JHY: variants seen among roughly 807,000 people sequenced by gnomAD.
JHY encodes jhy protein homolog.
A neutral mutation model predicts 78.0 loss-of-function variants in JHY; 69 were observed. The ratio of observed to expected loss-of-function variants is 0.88; its 90% CI spans 0.73 to 1.08. The LOEUF (loss-of-function observed/expected upper bound fraction) is 1.08. Ranked by LOEUF, JHY falls within the 50% of genes least tolerant of loss-of-function variation. The pLI is 0.00. For synonymous variants in JHY, 368 were observed against 342.6 expected (o/e 1.07, Z -0.82); for missense variants, 944 against 927.8 (o/e 1.02, Z -0.23).
intron 5 of JHY, among the ~76,000 whole-genome samples, chr11:122,938,527 G>A (rs1427534818): frequency 1.3e-5 from 2 of 152,134 alleles, no homozygotes; most frequent in Admixed American, 1.3e-4. Context: ...AGGCAAAATA[G>A]GGTGTAAGGG....
At chr11:122,956,650 G>GC in intron 7 of JHY, 74 bp downstream of exon 7, 1 of 1,254,700 alleles carries the variant, frequency 8.0e-7, no homozygotes, top group Non-Finnish European at 1.1e-6. Context: ...TTATGAAGAC[G>GC]CCCCCCAGAA....
chr11:122,904,486 C>T (rs751703755), intron 3 of JHY, 42 bp downstream of exon 3: 1 of 1,561,266 alleles, frequency 6.4e-7, no homozygotes, highest in South Asian at 1.2e-5. Flanking sequence ...AAACATTAAA[C>T]CAGAATTTGC....
In JHY at chr11:122,957,426, C is replaced by T. The variant is rs369501243; in HGVS notation, c.2074C>T (p.Leu692=). The part of the protein sequence containing the change: ...KQVKEYNMKT[L]SILSKPQTEK... ...AGTCAAGGAGTACAACATGAAGACA[C>T]TATCCATTCTATCAAAACCACAAAC... Residue 692 remains leucine (L), a synonymous_variant, in exon 8 of 9, where the codon CTA becomes TTA. Transcript: ENST00000227349. 23 of 1,535,432 alleles carry T rather than the reference C, an allele frequency of 1.5e-5. No homozygotes were observed. The African/African-American group carries it at 3.0e-4, about 20-fold the overall frequency.
intron 4 of JHY, among the ~76,000 whole-genome samples, chr11:122,926,488 C>A (rs1246565473): frequency 2.0e-5 from 3 of 152,160 alleles, no homozygotes; most frequent in Non-Finnish European, 4.4e-5. Flanking sequence ...GACTCCAGGC[C>A]TCTCTTAAGA....
At position 122,904,302 on chromosome 11, in the gene JHY, C is replaced by T. The variant is rs757565329; in HGVS notation, c.722C>T (p.Pro241Leu). 1.2e-6 allele frequency: 2 copies of T among 1,614,068 alleles called. No homozygotes were observed. The highest frequency in any genetic ancestry group is 1.1e-5 in the South Asian group (1 of 91,068). Residue 241 changes from proline (P) to leucine (L), a missense_variant, in exon 3 of 9, where the codon CCG (proline) becomes CTG (leucine). Transcript: ENST00000227349. ...AGTTCACATAACGAGGTTTTCCTGC[C>T]GGGATCACGTGGCCCTCGGCGAAGG... Reference protein sequence around the residue: ...SSSSHNEVFLPGSRGPRRRKS... With the variant: ...SSSSHNEVFLLGSRGPRRRKS...
chr11:122,932,021 G>C (rs942587452), intron 4 of JHY, among the ~76,000 whole-genome samples: 3 of 152,208 alleles, frequency 2.0e-5, no homozygotes, highest in Non-Finnish European at 4.4e-5. Context: ...AGTATGCAGC[G>C]ACTGCGGGTG....
chr11:122,951,330 A>T lies in JHY; in HGVS notation c.1929+4538A>T, dbSNP rs376689185. Among the ~76,000 whole-genome samples the T allele has an allele frequency of 4.9e-4, 75 of 152,344 alleles. 1 individual carries two copies. In the South Asian group the frequency reaches 0.015, roughly 31 times the overall value. On this transcript the variant is annotated intron_variant, in intron 6 of 8. Coordinates refer to ENST00000227349, the MANE Select transcript of JHY (RefSeq NM_024806.4). Reference sequence around the variant, plus strand: ...AAAAATATCTGTTGCAACCCACCACAAAATGACTGCTTCAGGAGTTTGCTG... The same window carrying T: ...AAAAATATCTGTTGCAACCCACCACTAAATGACTGCTTCAGGAGTTTGCTG...
intron 2 of JHY, among the ~76,000 whole-genome samples, chr11:122,890,094 A>T (rs1591367312): frequency 6.6e-6 from 1 of 151,500 alleles, no homozygotes; most frequent in Admixed American, 6.6e-5. Flanking sequence ...CTGAAATTAT[A>T]TATATATATA....
chr11:122,910,657 T>G (rs1863098158), intron 3 of JHY, among the ~76,000 whole-genome samples: 1 of 152,218 alleles, frequency 6.6e-6, no homozygotes, highest in East Asian at 1.9e-4. Context: ...TACTTATGTA[T>G]TATCTTTTAA....
chr11:122,894,687 G>T (rs1862700530), intron 2 of JHY, among the ~76,000 whole-genome samples: 1 of 152,052 alleles, frequency 6.6e-6, no homozygotes, highest in Non-Finnish European at 1.5e-5. Context: ...GATTGTTCTT[G>T]AATCAAGACT....
In JHY at chr11:122,935,026, C is replaced by T. The variant is rs745343978; in HGVS notation, c.1585C>T (p.Leu529Phe). The change falls in exon 5 of 9, where the codon CTC becomes TTC. Residue 529 changes from leucine (L) to phenylalanine (F), a missense_variant. Physicochemically the swap from Leu to Phe is conservative, Grantham distance 22 (BLOSUM62 0). Transcript: ENST00000227349. This position sits in a 1 kb window ranked among gnomAD's most constrained non-coding sequence, Gnocchi z 4.5. ...TGGATCAACCAAAAATAAGAAACAA[C>T]TCAAACAGCCTTATACAGAGACAAA... is the stretch of plus-strand genomic sequence containing the variant. ...THGSTKNKKQ[L>F]KQPYTETKYR... The T allele has an allele frequency of 5.0e-6, 8 of 1,608,818 alleles. No individual in the cohort carries two copies. The South Asian group carries it at 7.8e-5, about 16-fold the overall frequency.
chr11:122,910,462 T>G (rs1863090753), intron 3 of JHY, among the ~76,000 whole-genome samples: 1 of 151,478 alleles, frequency 6.6e-6, no homozygotes, highest in Admixed American at 6.6e-5. Context: ...AGAGTGAGAT[T>G]CTTGTCTCCA....
At chr11:122,919,487 G>A (rs1863312687) in intron 3 of JHY, among the ~76,000 whole-genome samples, 1 of 152,024 alleles carries the variant, frequency 6.6e-6, no homozygotes, top group African/African-American at 2.4e-5. Context: ...AAACTGAAAG[G>A]TACAGCAGGA....
Position 122,903,932 on chromosome 11 carries a change from C to A in JHY, c.352C>A (p.Pro118Thr). The change falls in exon 3 of 9, where the codon CCA becomes ACA. Residue 118 changes from proline (P) to threonine (T), a missense_variant. By Grantham distance (38) the Pro-to-Thr change is conservative. Coordinates refer to ENST00000227349, the MANE Select transcript of JHY (RefSeq NM_024806.4). Reference protein sequence around the residue: ...WDQGANNRQQPIEDKYSDLRY... With the variant: ...WDQGANNRQQTIEDKYSDLRY... The stretch of plus-strand genomic sequence containing the variant: ...CTCTTCTGCTTTGGGCAGGCAACAA[C>A]CAATAGAAGACAAATATTCAGACCT... 6.3e-7 allele frequency: 1 copy of A among 1,580,478 alleles called. No homozygotes were observed. The highest frequency in any genetic ancestry group is 1.2e-5 in the South Asian group (1 of 86,820).
intron 2 of JHY, among the ~76,000 whole-genome samples, chr11:122,888,532 G>C (rs577885736): frequency 5.4e-4 from 82 of 151,952 alleles, no homozygotes; most frequent in Non-Finnish European, 5.6e-4. Context: ...TTGTGTTACT[G>C]ATGCTGTTTT....
Position 122,904,310 on chromosome 11 carries a change from C to G in JHY, c.730C>G (p.Arg244Gly), listed in dbSNP as rs758492291. Residue 244 changes from arginine (R) to glycine (G), a missense_variant, in exon 3 of 9, where the codon CGT (arginine) becomes GGT (glycine). By Grantham distance (125) the Arg-to-Gly change is moderately radical. Coordinates refer to ENST00000227349, the MANE Select transcript of JHY (RefSeq NM_024806.4). ...SHNEVFLPGS[R>G]GPRRRKSKQH... ...TAACGAGGTTTTCCTGCCGGGATCA[C>G]GTGGCCCTCGGCGAAGGAAATCCAA... 62 of 1,613,982 alleles carry G rather than the reference C, an allele frequency of 3.8e-5. No individual in the cohort carries two copies. Among genetic ancestry groups the G allele is most frequent in the Non-Finnish European group, 5.0e-5 (59 of 1,180,038 alleles).
intron 3 of JHY, among the ~76,000 whole-genome samples, chr11:122,919,246 G>A (rs144026915): frequency 0.024 from 3,588 of 151,670 alleles, 82 homozygotes; most frequent in African/African-American, 0.06. Context: ...CCAGCTACTC[G>A]GGGTACTGAG....
At chr11:122,923,846 A>G (rs1863431335) in intron 3 of JHY, among the ~76,000 whole-genome samples, 1 of 146,542 alleles carries the variant, frequency 6.8e-6, no homozygotes, top group African/African-American at 2.5e-5. Flanking sequence ...CCTTCCGAGT[A>G]GCTGGGATTA....
At chr11:122,956,403 T>A in intron 6 of JHY, 93 bp from the exon 7 acceptor site, 1 of 1,021,258 alleles carries the variant, frequency 9.8e-7, no homozygotes, top group Non-Finnish European at 1.4e-6. Flanking sequence ...ATTTTCTTTC[T>A]TACTTTATGT....
Sources: allele counts gnomAD v4.1 joint callset (sites outside exome capture counted in the v4.1 genomes callset), GRCh38; gene constraint gnomAD v4.1.1; non-coding constraint Gnocchi (gnomAD v3.1); transcripts MANE v1.5; gene names NCBI Gene and HGNC (gene_info 2026-07-23, HGNC 2026-07-21).